Variants in STIM1 observed in about 807,000 individuals in gnomAD.
STIM1 encodes stromal interaction molecule 1.
Under a neutral mutation model 74.7 loss-of-function variants are expected in STIM1, and 25 were observed. That is an observed-to-expected ratio of 0.33 (90% CI 0.24 to 0.47). The LOEUF (loss-of-function observed/expected upper bound fraction) is 0.47. Among genes scored for constraint, STIM1 ranks in the 20% least tolerant of loss-of-function variants. The pLI, the probability that STIM1 is intolerant of heterozygous loss-of-function variation, is 1.00. For missense variants in STIM1, 728 were observed against 920.8 expected, an observed-to-expected ratio of 0.79 and a Z score of 2.71; for synonymous variants, 328 against 348.8, an observed-to-expected ratio of 0.94 and a Z score of 0.66.
intron 2 of STIM1, among the ~76,000 whole-genome samples, chr11:4,018,479 A>G (rs1161564091): frequency 1.3e-5 from 2 of 148,744 alleles, no homozygotes; most frequent in East Asian, 3.9e-4. Flanking sequence ...AAAAAAAAAA[A>G]AAAAAAACAA....
At chr11:3,879,858 G>A (rs1408699653) in intron 1 of STIM1, among the ~76,000 whole-genome samples, 1 of 152,114 alleles carries the variant, frequency 6.6e-6, no homozygotes, top group Admixed American at 6.5e-5. Flanking sequence ...CCAGTGAATG[G>A]TAAAGTAGCC....
At chr11:3,962,955 G>A (rs1191979848) in intron 1 of STIM1, among the ~76,000 whole-genome samples, 3 of 152,004 alleles carry the variant, frequency 2.0e-5, no homozygotes, top group Non-Finnish European at 2.9e-5. Flanking sequence ...TCAAAATTTT[G>A]TGGAAATTTT....
rs1430697833 is a variant in STIM1 at position 3,995,804 on chromosome 11, C to G, written c.271-28069C>G. Among the ~76,000 whole-genome samples, 3 of 138,186 alleles carry G rather than the reference C, an allele frequency of 2.2e-5. No homozygotes were observed. In the Admixed American group the frequency reaches 2.4e-4, roughly 11 times the overall value. The allele number at this position is 138,186 out of a possible 152,430, so 90.7% of individuals were successfully genotyped here. On this transcript the variant is annotated intron_variant, in intron 2 of 12. Coordinates refer to ENST00000526596, the MANE Select transcript of STIM1 (RefSeq NM_001382567.1). Reference sequence around the variant, plus strand: ...GGACCACAGGTGTGTGCTACTACACCTGGCTTCTTTTTTTTTTTTTTTTTT... The same window carrying G: ...GGACCACAGGTGTGTGCTACTACACGTGGCTTCTTTTTTTTTTTTTTTTTT...
intron 2 of STIM1, among the ~76,000 whole-genome samples, chr11:3,998,895 G>A (rs563712530): frequency 4.6e-5 from 7 of 152,300 alleles, no homozygotes; most frequent in Non-Finnish European, 1.0e-4. Context: ...TGTGTCTAGA[G>A]CAGGCAACTT....
chr11:4,089,247 T>C (rs1307853036), intron 12 of STIM1, among the ~76,000 whole-genome samples: 1 of 152,018 alleles, frequency 6.6e-6, no homozygotes, highest in Non-Finnish European at 1.5e-5. Context: ...AAAAGATGGA[T>C]AGGAATCAAG....
At chr11:3,939,488 G>A (rs2092978046) in intron 1 of STIM1, among the ~76,000 whole-genome samples, 1 of 152,050 alleles carries the variant, frequency 6.6e-6, no homozygotes, top group Non-Finnish European at 1.5e-5. Flanking sequence ...GTAAAATACA[G>A]CCTTTTAAAT....
intron 2 of STIM1, among the ~76,000 whole-genome samples, chr11:4,003,640 T>C (rs2093744863): frequency 6.6e-6 from 1 of 152,140 alleles, no homozygotes; most frequent in Non-Finnish European, 1.5e-5. Flanking sequence ...TCATACTGAA[T>C]GGGCAAAAAC....
chr11:4,019,352 T>G (rs1160695436), intron 2 of STIM1, among the ~76,000 whole-genome samples: 1 of 152,074 alleles, frequency 6.6e-6, no homozygotes, highest in Non-Finnish European at 1.5e-5. Context: ...TTTTAAAATT[T>G]TATTTTATTT....
intron 1 of STIM1, among the ~76,000 whole-genome samples, chr11:3,956,228 T>C (rs1430218233): frequency 6.6e-6 from 1 of 152,162 alleles, no homozygotes; most frequent in Admixed American, 6.6e-5. Flanking sequence ...GCATTTCTGC[T>C]GATTGGTCAT....
At chr11:4,088,726 G>GCT in intron 12 of STIM1, 1 of 1,535,796 alleles carries the variant, frequency 6.5e-7, no homozygotes, top group South Asian at 1.2e-5. Flanking sequence ...AGGCAAACAG[G>GCT]CTCTCTAGTA....
At chr11:3,969,887 C>T (rs779795237) in intron 2 of STIM1, among the ~76,000 whole-genome samples, 21 of 152,168 alleles carry the variant, frequency 1.4e-4, no homozygotes, top group Non-Finnish European at 3.1e-4. Context: ...GTGTCACTGA[C>T]CTGTAAAGGA....
At chr11:3,884,368 C>T (rs990520282) in intron 1 of STIM1, among the ~76,000 whole-genome samples, 4 of 152,080 alleles carry the variant, frequency 2.6e-5, no homozygotes, top group Non-Finnish European at 5.9e-5. Flanking sequence ...TTTCCCTTTC[C>T]CAAGTTGAGA....
At chr11:3,935,537 A>C (rs1357669526) in intron 1 of STIM1, among the ~76,000 whole-genome samples, 1 of 152,202 alleles carries the variant, frequency 6.6e-6, no homozygotes, top group Non-Finnish European at 1.5e-5. Context: ...TGAAGGAGTA[A>C]ATAAAAAACA....
At chr11:3,876,364 A>G (rs1212642972) in intron 1 of STIM1, among the ~76,000 whole-genome samples, 3 of 152,190 alleles carry the variant, frequency 2.0e-5, no homozygotes, top group African/African-American at 7.2e-5. Flanking sequence ...TTTGGGTAGC[A>G]GCTGAGAGGA....
At chr11:4,032,962 A>G (rs905161598) in intron 3 of STIM1, among the ~76,000 whole-genome samples, 1 of 151,978 alleles carries the variant, frequency 6.6e-6, no homozygotes, top group East Asian at 1.9e-4. Flanking sequence ...TAATGCCTAG[A>G]TTTTCTTCTA....
intron 2 of STIM1, among the ~76,000 whole-genome samples, chr11:3,974,805 G>A (rs2093430649): frequency 6.6e-6 from 1 of 151,968 alleles, no homozygotes; most frequent in Non-Finnish European, 1.5e-5. Flanking sequence ...AACTTCTGGT[G>A]GGGTTTGCTC....
chr11:3,984,896 T>C (rs1268566217), intron 2 of STIM1, among the ~76,000 whole-genome samples: 2 of 152,134 alleles, frequency 1.3e-5, no homozygotes, highest in Non-Finnish European at 2.9e-5. Context: ...AGGGCTGTAA[T>C]GGTAGTATGC....
chr11:3,938,378 T>C (rs184254446), intron 1 of STIM1, among the ~76,000 whole-genome samples: 64 of 152,312 alleles, frequency 4.2e-4, no homozygotes, highest in African/African-American at 1.4e-3. Flanking sequence ...TTGAGAACAG[T>C]CTTTGCCAAG....
chr11:3,974,237 G>C (rs1322265002), intron 2 of STIM1: 2 of 388,870 alleles, frequency 5.1e-6, no homozygotes, highest in Admixed American at 7.8e-5. Context: ...TCTTAGACAT[G>C]ATAGCAGTGG....
Sources: allele counts gnomAD v4.1 joint callset (sites outside exome capture counted in the v4.1 genomes callset), GRCh38; gene constraint gnomAD v4.1.1; transcripts MANE v1.5; gene names NCBI Gene and HGNC (gene_info 2026-07-23, HGNC 2026-07-21).